Variants in PROM1 observed in about 807,000 individuals in gnomAD.
The protein encoded by PROM1 is prominin 1.
A neutral mutation model predicts 116.9 loss-of-function variants in PROM1; 105 were observed. That is an observed-to-expected ratio of 0.90 (90% CI 0.77 to 1.06). The LOEUF (loss-of-function observed/expected upper bound fraction) is 1.06, where lower values mean the gene tolerates loss of function less well. Ranked by LOEUF, PROM1 falls within the 50% of genes least tolerant of loss-of-function variation. The pLI, the probability that PROM1 is intolerant of heterozygous loss-of-function variation, is 0.00. For missense variants in PROM1, 1,122 were observed against 1,045.2 expected (o/e 1.07, Z -1.01); for synonymous variants, 393 against 387.0 (o/e 1.02, Z -0.18).
chr4:15,982,870 T>C (rs1254289295), intron 23 of PROM1, among the ~76,000 whole-genome samples: 1 of 152,196 alleles, frequency 6.6e-6, no homozygotes, highest in East Asian at 1.9e-4. Flanking sequence ...GGAGGCAGAA[T>C]CCTTTTCACT....
intron 2 of PROM1, among the ~76,000 whole-genome samples, chr4:16,050,053 G>A (rs1737490896): frequency 6.6e-6 from 1 of 152,028 alleles, no homozygotes; most frequent in African/African-American, 2.4e-5. Context: ...ACGAGGTCAG[G>A]AGTTCGAGAC....
chr4:16,013,854 G>A (rs1433580258), intron 10 of PROM1, among the ~76,000 whole-genome samples: 3 of 151,872 alleles, frequency 2.0e-5, no homozygotes, highest in East Asian at 1.9e-4. Context: ...GACACTGATC[G>A]GTACACTATC....
chr4:16,069,759 C>T (rs1023441985), intron 2 of PROM1, among the ~76,000 whole-genome samples: 11 of 152,148 alleles, frequency 7.2e-5, no homozygotes, highest in African/African-American at 2.4e-4. Flanking sequence ...GATTTAATAG[C>T]GTTCAACTGA....
At chr4:16,059,164 A>C (rs1221653994) in intron 2 of PROM1, among the ~76,000 whole-genome samples, 1 of 152,210 alleles carries the variant, frequency 6.6e-6, no homozygotes, top group Admixed American at 6.5e-5. Context: ...CTAAGAGGAT[A>C]ATGAAAAAAA....
At position 16,000,530 on chromosome 4, in the gene PROM1, A is replaced by T. The variant is rs1468017329; in HGVS notation, c.1544T>A (p.Ile515Asn). ...FVFGANVEKL[I>N]CEPYTSKELF... ...TTCCTTGCTCGTGTAAGGTTCACAG[A>T]TCAGTTTTTCCACATTTGCACCAAA... Residue 515 changes from isoleucine to asparagine, a missense_variant, in exon 14 of 28, where the codon ATC becomes AAC. By Grantham distance (149) the Ile-to-Asn change is moderately radical. Coordinates refer to ENST00000447510, the MANE Select transcript of PROM1 (RefSeq NM_006017.3). 1 of 1,596,298 alleles carries T rather than the reference A, an allele frequency of 6.3e-7. No homozygotes were observed. Among genetic ancestry groups the T allele is most frequent in the African/African-American group, 1.3e-5 (1 of 74,550 alleles).
intron 14 of PROM1, among the ~76,000 whole-genome samples, chr4:15,999,520 T>C (rs1007682218): frequency 6.6e-6 from 1 of 152,174 alleles, no homozygotes; most frequent in Admixed American, 6.5e-5. Flanking sequence ...CATACATATT[T>C]AAGATGGGCA....
At chr4:16,026,809 G>A (rs1026564049) in intron 5 of PROM1, among the ~76,000 whole-genome samples, 1 of 152,152 alleles carries the variant, frequency 6.6e-6, no homozygotes, top group African/African-American at 2.4e-5. Context: ...ATAACGTTGA[G>A]GGATATTTCC....
At chr4:16,021,971 T>C (rs1730018674) in intron 8 of PROM1, among the ~76,000 whole-genome samples, 1 of 151,880 alleles carries the variant, frequency 6.6e-6, no homozygotes, top group East Asian at 1.9e-4. Flanking sequence ...CCAACAGAAC[T>C]GATGTTCTTA....
intron 2 of PROM1, among the ~76,000 whole-genome samples, chr4:16,041,246 AT>A (rs1735156895): frequency 6.6e-6 from 1 of 152,250 alleles, no homozygotes; most frequent in Admixed American, 6.5e-5. Context: ...TCAGGCACTC[AT>A]GTTCAATAGT....
chr4:16,080,255 T>C (rs1300890401), intron 1 of PROM1, among the ~76,000 whole-genome samples: 1 of 151,770 alleles, frequency 6.6e-6, no homozygotes, highest in Non-Finnish European at 1.5e-5. Context: ...GCGTGGTGGC[T>C]CAAGCCTGTA....
At chr4:16,079,484 AAAGTC>A (rs1275773234) in intron 1 of PROM1, 1 of 152,236 alleles carries the variant, frequency 6.6e-6, no homozygotes. Context: ...GAAACTGATT[AAAGTC>A]AAGTCAAAGA....
intron 14 of PROM1, 37 bp downstream of exon 14, chr4:16,000,459 T>A: frequency 6.6e-7 from 1 of 1,516,678 alleles, no homozygotes; most frequent in Non-Finnish European, 9.1e-7. Flanking sequence ...AAGTTTCTGT[T>A]CAAGTCCTTT....
At chr4:16,003,187 G>A (rs1724309546) in intron 13 of PROM1, 1 of 417,936 alleles carries the variant, frequency 2.4e-6, no homozygotes, top group Non-Finnish European at 4.9e-6. Context: ...TATCATTTCA[G>A]GGGCCATGTG....
Position 15,985,814 on chromosome 4 carries a change from A to G in PROM1, c.2226T>C (p.Tyr742=). Reference sequence around the variant, plus strand: ...CAAAATATCCTATTATTGTTCTCCCATACTTCTTAGTTTCCTGGAAAGAAA... The same window carrying G: ...CAAAATATCCTATTATTGTTCTCCCGTACTTCTTAGTTTCCTGGAAAGAAA... The part of the protein sequence containing the change: ...SSVIIEETKK[Y]GRTIIGYFEH... The change falls in exon 22 of 28, where the codon TAT becomes TAC. Residue 742 remains tyrosine, a synonymous_variant. Coordinates refer to ENST00000447510, the MANE Select transcript of PROM1 (RefSeq NM_006017.3). 8.6e-7 allele frequency: 1 copy of G among 1,157,988 alleles called. No homozygotes were observed. Among genetic ancestry groups the G allele is most frequent in the Non-Finnish European group, 1.1e-6 (1 of 903,886 alleles). 71.7% of individuals were successfully genotyped at this position (1,157,988 alleles called of 1,614,324 possible).
intron 8 of PROM1, among the ~76,000 whole-genome samples, chr4:16,020,326 G>T (rs1024810187): frequency 2.0e-5 from 3 of 152,090 alleles, no homozygotes; most frequent in Non-Finnish European, 2.9e-5. Flanking sequence ...AATATTTAAG[G>T]TTGTAATAAT....
At position 16,006,545 on chromosome 4, in the gene PROM1, G is replaced by C; in HGVS notation, c.1447C>G (p.Leu483Val). ...AGAGGAGCAGACACTCACACCATGA[G>C]GAAGACGCCTCCGGTGTTGGAGACA... ...GCVSNTGGVFLMVGVGLSFLF... is the reference protein window; with the variant it reads ...GCVSNTGGVFVMVGVGLSFLF... Residue 483 changes from leucine (L) to valine (V), a missense_variant, in exon 13 of 28, where the codon CTC becomes GTC. By Grantham distance (32) the Leu-to-Val change is conservative (BLOSUM62 1). Coordinates refer to ENST00000447510, the MANE Select transcript of PROM1 (RefSeq NM_006017.3). The C allele has an allele frequency of 6.3e-7, 1 of 1,590,542 alleles. No individual in the cohort carries two copies. The highest frequency in any genetic ancestry group is 1.1e-5 in the South Asian group (1 of 87,134).
chr4:15,998,872 C>T (rs1458012770), intron 14 of PROM1, among the ~76,000 whole-genome samples: 2 of 152,006 alleles, frequency 1.3e-5, no homozygotes, highest in Admixed American at 6.5e-5. Flanking sequence ...CCACCACTGC[C>T]TGGCTAGTTT....
chr4:16,082,867 C>A (rs890069199), intron 1 of PROM1, among the ~76,000 whole-genome samples: 1 of 152,118 alleles, frequency 6.6e-6, no homozygotes, highest in African/African-American at 2.4e-5. Context: ...CTTTCTACAG[C>A]CGTGAAGCTC....
intron 6 of PROM1, 51 bp from the exon 7 acceptor site, chr4:16,024,409 T>A: frequency 1.4e-6 from 2 of 1,454,532 alleles, no homozygotes; most frequent in Non-Finnish European, 1.9e-6. Flanking sequence ...CCAAAGGCAA[T>A]AAGAGGGCAA....
Sources: allele counts gnomAD v4.1 joint callset (sites outside exome capture counted in the v4.1 genomes callset), GRCh38; gene constraint gnomAD v4.1.1; transcripts MANE v1.5; gene names NCBI Gene and HGNC (gene_info 2026-07-23, HGNC 2026-07-21).